SMOC2: variants seen among roughly 807,000 people sequenced by gnomAD.
SMOC2 encodes SPARC-related modular calcium-binding protein 2.
A neutral mutation model predicts 61.4 loss-of-function variants in SMOC2; 39 were observed. That is an observed-to-expected ratio of 0.64 (90% CI 0.49 to 0.83). SMOC2 has a LOEUF of 0.83. Ranked by LOEUF, SMOC2 falls within the 40% of genes least tolerant of loss-of-function variation. The probability of loss-of-function intolerance (pLI) is 0.00; values close to 1 mark genes in which losing one functional copy is unlikely to be tolerated. For missense variants in SMOC2, 556 were observed against 592.9 expected (o/e 0.94, Z 0.65); for synonymous variants, 247 against 239.9 (o/e 1.03, Z -0.27).
chr6:168,463,100 C>T (rs73791028), intron 1 of SMOC2, among the ~76,000 whole-genome samples: 152 of 152,316 alleles, frequency 1.0e-3, no homozygotes, highest in African/African-American at 3.5e-3. Context: ...ACTTGCTCAG[C>T]GAGCCGTGGT....
chr6:168,587,486 AG>A (rs1258348762), intron 7 of SMOC2, among the ~76,000 whole-genome samples: 2 of 152,244 alleles, frequency 1.3e-5, no homozygotes, highest in African/African-American at 4.8e-5. Flanking sequence ...CAGTCCAGAA[AG>A]GCGGGACAAC....
chr6:168,444,027 G>C, intron 1 of SMOC2, among the ~76,000 whole-genome samples: 1 of 152,204 alleles, frequency 6.6e-6, no homozygotes, highest in East Asian at 1.9e-4. Context: ...CCGTGGGTCC[G>C]TATAAGAGAG....
chr6:168,602,106 C>T (rs1785567727), intron 8 of SMOC2, among the ~76,000 whole-genome samples: 1 of 152,128 alleles, frequency 6.6e-6, no homozygotes, highest in African/African-American at 2.4e-5. Context: ...GAGGAAATAG[C>T]ATTGAATAAG....
Position 168,553,096 on chromosome 6 carries a change from G to T in SMOC2, c.637+3893G>T, listed in dbSNP as rs1273204410. On this transcript the variant is annotated intron_variant, in intron 7 of 12. Coordinates refer to ENST00000356284, the MANE Select transcript of SMOC2 (RefSeq NM_001166412.2). This position sits in a 1 kb window ranked among gnomAD's most constrained non-coding sequence, Gnocchi z 4.2. ...AATTAATACATAACTGGAAAAGAGA[G>T]AATCTAGGCACCCCTAGAGGTTGCC... Among the ~76,000 whole-genome samples the T allele has an allele frequency of 6.6e-6, 1 of 152,160 alleles. No homozygotes were observed. Among genetic ancestry groups the T allele is most frequent in the Non-Finnish European group, 1.5e-5 (1 of 68,040 alleles).
intron 2 of SMOC2, among the ~76,000 whole-genome samples, chr6:168,514,665 G>T (rs2749266): frequency 0.23 from 35,520 of 152,144 alleles, 5,120 homozygotes; most frequent in East Asian, 0.4. Context: ...ACAAGTGATC[G>T]CCTATGAAGT....
chr6:168,449,123 C>T (rs1781402784), intron 1 of SMOC2, among the ~76,000 whole-genome samples: 2 of 152,174 alleles, frequency 1.3e-5, no homozygotes, highest in Admixed American at 6.5e-5. Flanking sequence ...CTGTGGCTCC[C>T]TGTGTCCAGC....
intron 7 of SMOC2, among the ~76,000 whole-genome samples, chr6:168,566,055 T>C (rs182269448): frequency 8.9e-4 from 135 of 152,328 alleles, no homozygotes; most frequent in African/African-American, 3.2e-3. Context: ...TTTTTTACTA[T>C]TTTTATGGGG....
chr6:168,519,135 GTGCATGTGTGAGCA>G (rs1783258009), intron 2 of SMOC2, among the ~76,000 whole-genome samples: 1 of 150,026 alleles, frequency 6.7e-6, no homozygotes, highest in African/African-American at 2.5e-5. Flanking sequence ...ATGTGTATGT[GTGCATGTGTGAGCA>G]TGCGTGTGTG....
chr6:168,609,102 T>G lies in SMOC2; in HGVS notation c.907+863T>G, dbSNP rs531725636. 9.2e-5 allele frequency among the ~76,000 whole-genome samples: 14 copies of G among 152,360 alleles called. No homozygotes were observed. The East Asian group carries it at 2.3e-3, about 25-fold the overall frequency. On this transcript the variant is annotated intron_variant, in intron 9 of 12. Coordinates refer to ENST00000356284, the MANE Select transcript of SMOC2 (RefSeq NM_001166412.2). ...AGAATGTCCACAGTCTATACATGTT[T>G]CATTGCTACGTGTTCATAGCGATTC...
chr6:168,626,897 G>C (rs1298759417), intron 9 of SMOC2, among the ~76,000 whole-genome samples: 1 of 152,190 alleles, frequency 6.6e-6, no homozygotes, highest in Non-Finnish European at 1.5e-5. Flanking sequence ...CCAGTTCTCT[G>C]TTGCCTGAGT....
chr6:168,462,127 C>T (rs1005334109), intron 1 of SMOC2, among the ~76,000 whole-genome samples: 3 of 152,062 alleles, frequency 2.0e-5, no homozygotes, highest in Non-Finnish European at 4.4e-5. Context: ...CCATCCTGCC[C>T]ATCCTCTGAT....
chr6:168,525,859 C>T (rs954357158), intron 2 of SMOC2, among the ~76,000 whole-genome samples: 25 of 152,294 alleles, frequency 1.6e-4, no homozygotes, highest in South Asian at 6.2e-4. Flanking sequence ...CTGAGACCCC[C>T]GCCCCTCAGT....
intron 7 of SMOC2, among the ~76,000 whole-genome samples, chr6:168,585,006 G>A (rs992659497): frequency 2.6e-5 from 4 of 152,186 alleles, no homozygotes; most frequent in Admixed American, 6.5e-5. Context: ...TGCCCAGGTT[G>A]GAGTGCAGTG....
intron 1 of SMOC2, among the ~76,000 whole-genome samples, chr6:168,447,299 G>C (rs1781352606): frequency 6.6e-6 from 1 of 152,012 alleles, no homozygotes; most frequent in Non-Finnish European, 1.5e-5. Context: ...TCGAACTCCT[G>C]AGCTCAGGTG....
intron 1 of SMOC2, among the ~76,000 whole-genome samples, chr6:168,490,999 T>C (rs1782460366): frequency 6.6e-6 from 1 of 151,774 alleles, no homozygotes; most frequent in Non-Finnish European, 1.5e-5. Flanking sequence ...AGGTCATTCC[T>C]GATGGCAGGA....
chr6:168,546,773 C>T (rs1157427083), intron 5 of SMOC2, among the ~76,000 whole-genome samples: 1 of 152,240 alleles, frequency 6.6e-6, no homozygotes, highest in Non-Finnish European at 1.5e-5. Context: ...TTTATGACTT[C>T]TCTTTCCCAG....
At chr6:168,480,659 G>A (rs750249184) in intron 1 of SMOC2, among the ~76,000 whole-genome samples, 12 of 152,048 alleles carry the variant, frequency 7.9e-5, no homozygotes, top group Non-Finnish European at 1.5e-4. Flanking sequence ...TACATGTTAT[G>A]GGAGTCCCAG....
intron 11 of SMOC2, among the ~76,000 whole-genome samples, chr6:168,657,903 C>T (rs1028549581): frequency 5.9e-5 from 9 of 152,184 alleles, no homozygotes; most frequent in African/African-American, 1.2e-4. Flanking sequence ...CTCCCAACGC[C>T]TCTGTATTAG....
At chr6:168,646,574 AG>A (rs1787037838) in intron 9 of SMOC2, among the ~76,000 whole-genome samples, 2 of 152,384 alleles carry the variant, frequency 1.3e-5, no homozygotes. Context: ...TCTTAAAATA[AG>A]GACGTTTCAT....
Sources: gnomAD v4.1 joint callset for allele counts (sites outside exome capture counted in the v4.1 genomes callset) on GRCh38, gnomAD v4.1.1 for gene constraint, Gnocchi (gnomAD v3.1) non-coding constraint, MANE v1.5 for transcripts, NCBI Gene and HGNC (gene_info 2026-07-23, HGNC 2026-07-21) for gene names.